MTFR1: variants seen among roughly 807,000 people sequenced by gnomAD.
MTFR1 encodes the protein chondrocyte protein with a poly-proline region.
A neutral mutation model predicts 38.8 loss-of-function variants in MTFR1; 28 were observed. The ratio of observed to expected loss-of-function variants is 0.72; its 90% CI spans 0.53 to 0.99. MTFR1 has a LOEUF of 0.99. Ranked by LOEUF, MTFR1 falls within the 50% of genes least tolerant of loss-of-function variation. The pLI, the probability that MTFR1 is intolerant of heterozygous loss-of-function variation, is 0.00. For missense variants in MTFR1, 358 were observed against 395.5 expected (o/e 0.91, Z 0.81); for synonymous variants, 145 against 137.0 (o/e 1.06, Z -0.41).
Position 65,707,820 on chromosome 8 carries a change from T to G in MTFR1, c.765-23T>G, listed in dbSNP as rs745575387. On this transcript the variant is annotated intron_variant, in intron 6 of 7. Coordinates refer to ENST00000262146, the MANE Select transcript of MTFR1 (RefSeq NM_014637.4). ...TGGCCAGTGTATTGATCTGTCCCCT[T>G]GGTTTGTGTTCACTTCTCTAAGGTC... 3.1e-6 allele frequency: 5 copies of G among 1,610,078 alleles called. No individual in the cohort carries two copies. In the Admixed American group the frequency reaches 8.4e-5, roughly 27 times the overall value.
chr8:65,687,223 T>G (rs778496762), intron 3 of MTFR1, among the ~76,000 whole-genome samples: 3 of 152,154 alleles, frequency 2.0e-5, no homozygotes, highest in Non-Finnish European at 2.9e-5. Context: ...TGAAAATCAC[T>G]GAGAGAGTAG....
intron 2 of MTFR1, among the ~76,000 whole-genome samples, chr8:65,681,269 A>G (rs1170875563): frequency 6.6e-6 from 1 of 151,940 alleles, no homozygotes; most frequent in Non-Finnish European, 1.5e-5. Context: ...ACAGGTGTGC[A>G]CCACCATGCC....
At chr8:65,760,017 A>G (rs1489839562) in intron 3 of MTFR1, among the ~76,000 whole-genome samples, 1 of 152,170 alleles carries the variant, frequency 6.6e-6, no homozygotes, top group Non-Finnish European at 1.5e-5. Flanking sequence ...AGGCAGGCAG[A>G]TCACTTGAGG....
chr8:65,712,242 A>C (rs1170218074), downstream of MTFR1, among the ~76,000 whole-genome samples: 4 of 152,232 alleles, frequency 2.6e-5, no homozygotes, highest in Admixed American at 1.3e-4. Flanking sequence ...ATTCTGAAAT[A>C]CTAGCATTGA....
At chr8:65,685,969 G>A (rs75961406) in intron 3 of MTFR1, among the ~76,000 whole-genome samples, 2,935 of 151,970 alleles carry the variant, frequency 0.019, 28 homozygotes, top group African/African-American at 0.028. Flanking sequence ...AGATCCTAAG[G>A]CCAGATAGAA....
chr8:65,728,826 G>GT (rs899590723), intron 3 of MTFR1, among the ~76,000 whole-genome samples: 1 of 152,112 alleles, frequency 6.6e-6, no homozygotes, highest in African/African-American at 2.4e-5. Context: ...AAAAATTAAT[G>GT]TATGACTGCA....
chr8:65,699,518 C>T (rs1805548338), intron 4 of MTFR1, among the ~76,000 whole-genome samples: 1 of 152,164 alleles, frequency 6.6e-6, no homozygotes, highest in Admixed American at 6.5e-5. Flanking sequence ...GTGGGCAGGG[C>T]CATAAAGCTC....
At chr8:65,768,477 C>T (rs1037070501) in intron 3 of MTFR1, among the ~76,000 whole-genome samples, 5 of 152,206 alleles carry the variant, frequency 3.3e-5, no homozygotes, top group African/African-American at 1.2e-4. Flanking sequence ...GCCTTGTCTG[C>T]TGCCATGTGA....
chr8:65,663,768 C>G (rs1804283292), intron 1 of MTFR1, among the ~76,000 whole-genome samples: 1 of 148,942 alleles, frequency 6.7e-6, no homozygotes, highest in Non-Finnish European at 1.5e-5. Context: ...TCCCCTTCCC[C>G]TTCCCCTCCC....
intron 1 of MTFR1, among the ~76,000 whole-genome samples, chr8:65,647,457 G>A (rs550198210): frequency 3.4e-4 from 52 of 152,256 alleles, no homozygotes; most frequent in African/African-American, 1.2e-3. Flanking sequence ...GATTACAGGC[G>A]TAGGCCACCA....
intron 3 of MTFR1, among the ~76,000 whole-genome samples, chr8:65,750,752 TG>T (rs1807911000): frequency 6.6e-6 from 1 of 152,136 alleles, no homozygotes; most frequent in African/African-American, 2.4e-5. Context: ...TCTTATTTTC[TG>T]GGCAACTTCT....
In MTFR1 at chr8:65,654,166, A is replaced by T. The variant is rs1046401046; in HGVS notation, c.-81+9382A>T. Among the ~76,000 whole-genome samples, 4 of 152,164 alleles carry T rather than the reference A, an allele frequency of 2.6e-5. No homozygotes were observed. In the East Asian group the frequency reaches 7.7e-4, roughly 29 times the overall value. On this transcript the variant is annotated intron_variant, in intron 1 of 7. Coordinates refer to ENST00000262146, the MANE Select transcript of MTFR1 (RefSeq NM_014637.4). ...TACAGGAGTGCATAAGTGTATAATA[A>T]AAGTGGAGGGTCTCACCACCAAGCC...
Position 65,710,335 on chromosome 8 carries a change from T to C in MTFR1, c.*1291T>C, listed in dbSNP as rs953851150. ...GAAATGACATGGCTTGATTGTTCTG[T>C]TTAAATTTGTACTGTGGCTTATGTT... On this transcript the variant is annotated 3_prime_UTR_variant, in exon 8 of 8. Transcript: ENST00000262146. The C allele has an allele frequency of 6.6e-6, 1 of 152,388 alleles. No individual in the cohort carries two copies. Among genetic ancestry groups the C allele is most frequent in the African/African-American group, 2.4e-5 (1 of 41,464 alleles). 9.4% of individuals were successfully genotyped at this position (152,388 alleles called of 1,614,324 possible). A position where few individuals can be genotyped will look rare whatever the true frequency, so the allele number is the denominator to read the frequency against.
intron 1 of MTFR1, among the ~76,000 whole-genome samples, chr8:65,645,091 T>TC (rs1808914631): frequency 6.6e-6 from 1 of 151,530 alleles, no homozygotes; most frequent in African/African-American, 2.4e-5. Flanking sequence ...TCCTGCCCCC[T>TC]CCCCCGACCT....
intron 3 of MTFR1, among the ~76,000 whole-genome samples, chr8:65,693,326 G>A (rs973988200): frequency 1.3e-5 from 2 of 151,874 alleles, no homozygotes; most frequent in East Asian, 1.9e-4. Flanking sequence ...GCTTGAACCC[G>A]GGAGGCGGAG....
intron 1 of MTFR1, among the ~76,000 whole-genome samples, chr8:65,666,094 CA>C (rs1338205100): frequency 6.6e-6 from 1 of 152,122 alleles, no homozygotes; most frequent in Non-Finnish European, 1.5e-5. Flanking sequence ...AGTGTAATCA[CA>C]ATATGAAAAT....
chr8:65,657,843 A>G (rs1176361297), intron 1 of MTFR1, among the ~76,000 whole-genome samples: 1 of 152,180 alleles, frequency 6.6e-6, no homozygotes, highest in Admixed American at 6.5e-5. Context: ...ATGTTGCAAT[A>G]CATATAATGT....
chr8:65,681,202 G>A (rs971510962), intron 2 of MTFR1, among the ~76,000 whole-genome samples: 7 of 151,992 alleles, frequency 4.6e-5, no homozygotes, highest in African/African-American at 1.7e-4. Context: ...GTGAGCCACC[G>A]CGCCCGGCCT....
intron 1 of MTFR1, among the ~76,000 whole-genome samples, chr8:65,648,100 C>T (rs759308924): frequency 1.3e-5 from 2 of 152,088 alleles, no homozygotes; most frequent in Non-Finnish European, 2.9e-5. Flanking sequence ...CAAGCTCTGC[C>T]TCCCGGGTTC....
Sources: gnomAD v4.1 joint callset for allele counts (sites outside exome capture counted in the v4.1 genomes callset) on GRCh38, gnomAD v4.1.1 for gene constraint, MANE v1.5 for transcripts, NCBI Gene and HGNC (gene_info 2026-07-23, HGNC 2026-07-21) for gene names.